Variants in WRN observed in about 807,000 individuals in gnomAD.
WRN encodes the protein WRN RecQ like helicase.
WRN carries 149 observed loss-of-function variants against 180.7 expected under a neutral mutation model. The observed-to-expected ratio is 0.82, with a 90% CI of 0.72 to 0.94. WRN has a LOEUF of 0.94. Ranked by LOEUF, WRN falls within the 40% of genes least tolerant of loss-of-function variation. The pLI is 0.00. For missense variants in WRN, 1,661 were observed against 1,700.1 expected (o/e 0.98, Z 0.40); for synonymous variants, 548 against 568.9 (o/e 0.96, Z 0.52).
In WRN at chr8:31,108,591, A is replaced by C. The variant is rs281865157; in HGVS notation, c.2089-3024A>C. On this transcript the variant is annotated intron_variant, in intron 18 of 34. Transcript: ENST00000298139. ...TCAAAGGAAAAATACATTTAAGATTATAAGTCTGGTTATAAGCTTAAAAAG... is the reference window on the plus strand; with the variant it reads ...TCAAAGGAAAAATACATTTAAGATTCTAAGTCTGGTTATAAGCTTAAAAAG... Among the ~76,000 whole-genome samples, 1 of 152,136 alleles carries C rather than the reference A, an allele frequency of 6.6e-6. No individual in the cohort carries two copies. Among genetic ancestry groups the C allele is most frequent in the Admixed American group, 6.6e-5 (1 of 15,250 alleles).
At chr8:31,038,216 C>T (rs1263747177) in intron 1 of WRN, among the ~76,000 whole-genome samples, 1 of 152,096 alleles carries the variant, frequency 6.6e-6, no homozygotes, top group African/African-American at 2.4e-5. Flanking sequence ...TTCCAGTTCT[C>T]CATATGCTCA....
At chr8:31,094,663 C>T (rs1433707284) in intron 16 of WRN, among the ~76,000 whole-genome samples, 1 of 152,090 alleles carries the variant, frequency 6.6e-6, no homozygotes, top group Non-Finnish European at 1.5e-5. Context: ...CTCTGTTCTG[C>T]CCACTTCCAA....
chr8:31,090,185 T>C (rs1187261839), intron 13 of WRN, among the ~76,000 whole-genome samples: 1 of 150,968 alleles, frequency 6.6e-6, no homozygotes, highest in Admixed American at 6.6e-5. Context: ...TTTTAAAGTA[T>C]TGATTCTTTT....
intron 11 of WRN, among the ~76,000 whole-genome samples, chr8:31,086,535 G>A (rs1301100534): frequency 6.6e-6 from 1 of 151,810 alleles, no homozygotes; most frequent in East Asian, 1.9e-4. Context: ...CCATGACCAT[G>A]CCACTGCACT....
intron 3 of WRN, 22 bp downstream of exon 3, chr8:31,059,287 A>AT: frequency 6.3e-7 from 1 of 1,590,800 alleles, no homozygotes; most frequent in East Asian, 2.2e-5. Flanking sequence ...GAATTTCCTG[A>AT]TTTTATTTGA....
chr8:31,153,072 A>G (rs893423387), intron 31 of WRN, among the ~76,000 whole-genome samples: 2 of 152,202 alleles, frequency 1.3e-5, no homozygotes, highest in South Asian at 4.2e-4. Flanking sequence ...ACTTGTTCTC[A>G]ACTTTCAGGT....
chr8:31,095,244 A>G (rs1359367260), intron 16 of WRN, among the ~76,000 whole-genome samples: 2 of 151,178 alleles, frequency 1.3e-5, no homozygotes, highest in East Asian at 3.9e-4. Context: ...TCTTTGAGGG[A>G]GTATCTGTTC....
chr8:31,116,823 G>A (rs1264813797), intron 20 of WRN, among the ~76,000 whole-genome samples: 1 of 152,188 alleles, frequency 6.6e-6, no homozygotes, highest in Non-Finnish European at 1.5e-5. Flanking sequence ...TTTCAAGTAT[G>A]CCAGGCCAGT....
chr8:31,172,153 G>GCA (rs1254261905), intron 34 of WRN, among the ~76,000 whole-genome samples: 1 of 151,928 alleles, frequency 6.6e-6, no homozygotes, highest in East Asian at 1.9e-4. Flanking sequence ...GTGTGTGTGT[G>GCA]TGTGTGCCTG....
chr8:31,056,845 G>C (rs1476062969), intron 1 of WRN, among the ~76,000 whole-genome samples: 1 of 152,064 alleles, frequency 6.6e-6, no homozygotes, highest in Non-Finnish European at 1.5e-5. Context: ...ACTCTTTCTT[G>C]CTAACATTTT....
At chr8:31,132,835 A>G (rs1802239970) in intron 24 of WRN, among the ~76,000 whole-genome samples, 1 of 152,212 alleles carries the variant, frequency 6.6e-6, no homozygotes, top group Non-Finnish European at 1.5e-5. Flanking sequence ...CTTTCATTGT[A>G]TCAAGGGACA....
chr8:31,041,898 A>C (rs185164328), intron 1 of WRN, among the ~76,000 whole-genome samples: 2 of 152,286 alleles, frequency 1.3e-5, no homozygotes, highest in Admixed American at 1.3e-4. Context: ...GTTCTTTTTT[A>C]TTCGGGGTTA....
intron 33 of WRN, 77 bp from the exon 34 acceptor site, chr8:31,166,945 C>A: frequency 7.3e-7 from 1 of 1,369,492 alleles, no homozygotes; most frequent in Non-Finnish European, 1.0e-6. Context: ...CAGAATATTT[C>A]AGTATTTCTA....
chr8:31,123,626 A>G (rs1238456168), intron 21 of WRN, among the ~76,000 whole-genome samples: 5 of 152,148 alleles, frequency 3.3e-5, no homozygotes, highest in Admixed American at 3.3e-4. Context: ...TTGAATAGTC[A>G]AATTATTAGT....
chr8:31,157,563 T>G (rs1208797872), intron 33 of WRN, 33 bp downstream of exon 33: 2 of 1,613,124 alleles, frequency 1.2e-6, no homozygotes, highest in Admixed American at 1.7e-5. Context: ...GCACCCTTAA[T>G]GACTTGATGA....
chr8:31,124,419 T>A, intron 21 of WRN, 103 bp from the exon 22 acceptor site: 2 of 898,892 alleles, frequency 2.2e-6, no homozygotes, highest in South Asian at 1.6e-5. Flanking sequence ...GGGGTGTGGG[T>A]TTTGTAGATA....
At chr8:31,046,960 A>G (rs1811890800) in intron 1 of WRN, among the ~76,000 whole-genome samples, 2 of 152,110 alleles carry the variant, frequency 1.3e-5, no homozygotes, top group African/African-American at 2.4e-5. Flanking sequence ...AAAAGACTGT[A>G]TTTGAACTTA....
chr8:31,167,150 A>C lies in WRN; in HGVS notation c.4111A>C (p.Lys1371Gln), dbSNP rs774007667. ...ACTTCAACCTTCATGTGATGTCAAC[A>C]AAAGGAGATGTTTTCCCGGTTCTGA... Reference protein sequence around the residue: ...SGLQPSCDVNKRRCFPGSEEI... With the variant: ...SGLQPSCDVNQRRCFPGSEEI... The change falls in exon 34 of 35, where the codon AAA becomes CAA. Residue 1371 changes from lysine (K) to glutamine (Q), a missense_variant. Physicochemically the swap from Lys to Gln is moderately conservative, Grantham distance 53 (BLOSUM62 1). Around this residue, in one of 3 missense-constraint regions of WRN, gnomAD observed 1,141 missense variants for 1,149.4 expected, o/e 0.99. Coordinates refer to ENST00000298139, the MANE Select transcript of WRN (RefSeq NM_000553.6). 1.2e-6 allele frequency: 2 copies of C among 1,613,328 alleles called. No individual in the cohort carries two copies. The highest frequency in any genetic ancestry group is 1.1e-5 in the South Asian group (1 of 91,058).
At chr8:31,139,178 A>G (rs1010918217) in intron 24 of WRN, among the ~76,000 whole-genome samples, 2 of 152,218 alleles carry the variant, frequency 1.3e-5, no homozygotes, top group African/African-American at 2.4e-5. Flanking sequence ...CAATAAAACC[A>G]TTACGTTTGT....
Sources: gnomAD v4.1 joint callset for allele counts (sites outside exome capture counted in the v4.1 genomes callset) on GRCh38, gnomAD v4.1.1 for gene constraint, gnomAD v4.1.1 regional missense constraint, MANE v1.5 for transcripts, NCBI Gene and HGNC (gene_info 2026-07-23, HGNC 2026-07-21) for gene names.